Variants in SCHIP1 observed in about 807,000 individuals in gnomAD.
SCHIP1 encodes schwannomin-interacting protein 1.
SCHIP1 carries 8 observed loss-of-function variants against 29.7 expected under a neutral mutation model. That is an observed-to-expected ratio of 0.27 (90% CI 0.16 to 0.49). The LOEUF is 0.49. SCHIP1 is among the 20% of genes least tolerant of loss of function. The probability of loss-of-function intolerance (pLI) is 0.99; values close to 1 mark genes in which losing one functional copy is unlikely to be tolerated. For synonymous variants in SCHIP1, 76 were observed against 94.9 expected, an observed-to-expected ratio of 0.80 and a Z score of 1.16; for missense variants, 193 against 294.6, an observed-to-expected ratio of 0.66 and a Z score of 2.52.
the SCHIP1 span, chr3:159,274,266 T>A: frequency 1.0e-6 from 1 of 985,400 alleles, no homozygotes; most frequent in Admixed American, 6.1e-5. Context: ...AAGTAGTTCC[T>A]GATTTGTACA....
chr3:159,526,854 T>A, the SCHIP1 span, among the ~76,000 whole-genome samples: 2 of 152,218 alleles, frequency 1.3e-5, no homozygotes, highest in African/African-American at 4.8e-5. Flanking sequence ...CTGCTGACAC[T>A]GCTGCAAGCA....
the SCHIP1 span, among the ~76,000 whole-genome samples, chr3:159,431,494 CAA>C: frequency 1.2e-3 from 176 of 152,016 alleles, 1 homozygote; most frequent in African/African-American, 4.1e-3. Context: ...AGCAAAAAGT[CAA>C]AGACAGAGGG....
At chr3:159,630,653 C>T in the SCHIP1 span, among the ~76,000 whole-genome samples, 2 of 113,024 alleles carry the variant, frequency 1.8e-5, no homozygotes, top group South Asian at 2.2e-4. Flanking sequence ...CATTCTCGCT[C>T]ATAAGTGGAG....
intron 5 of SCHIP1, among the ~76,000 whole-genome samples, chr3:159,891,168 A>G (rs1717492498): frequency 6.6e-6 from 1 of 152,074 alleles, no homozygotes; most frequent in Non-Finnish European, 1.5e-5. Context: ...TCAGGAGATC[A>G]AGACCATCCT....
At chr3:159,545,588 C>CTGTGTG in the SCHIP1 span, among the ~76,000 whole-genome samples, 7 of 146,916 alleles carry the variant, frequency 4.8e-5, no homozygotes, top group African/African-American at 1.7e-4. Flanking sequence ...ATATATATGT[C>CTGTGTG]TGTGTGTGTG....
chr3:159,666,133 G>A, the SCHIP1 span, among the ~76,000 whole-genome samples: 2 of 152,204 alleles, frequency 1.3e-5, no homozygotes, highest in East Asian at 3.8e-4. Context: ...AGTAGTTAAT[G>A]AAAAGCAGAG....
the SCHIP1 span, among the ~76,000 whole-genome samples, chr3:159,791,300 A>G: frequency 6.6e-6 from 1 of 152,360 alleles, no homozygotes; most frequent in East Asian, 1.9e-4. Flanking sequence ...CAGTTAAACA[A>G]GTGAAAAAAA....
the SCHIP1 span, among the ~76,000 whole-genome samples, chr3:159,743,922 C>T: frequency 6.6e-6 from 1 of 152,084 alleles, no homozygotes; most frequent in Non-Finnish European, 1.5e-5. Context: ...TAAAAAATAA[C>T]TAGTTAAATG....
At chr3:159,892,334 A>T in intron 6 of SCHIP1, 144 bp downstream of exon 7, 4 of 872,306 alleles carry the variant, frequency 4.6e-6, no homozygotes, top group Non-Finnish European at 7.2e-6. Flanking sequence ...AGCTGTTCAG[A>T]TGGAGGGGAA....
the SCHIP1 span, among the ~76,000 whole-genome samples, chr3:159,812,296 C>T: frequency 6.6e-6 from 1 of 152,078 alleles, no homozygotes; most frequent in African/African-American, 2.4e-5. Flanking sequence ...ATAAGTCTTG[C>T]ACTTCTTTTG....
the SCHIP1 span, among the ~76,000 whole-genome samples, chr3:159,287,050 T>C: frequency 6.6e-6 from 1 of 152,180 alleles, no homozygotes; most frequent in Admixed American, 6.5e-5. Flanking sequence ...TTTCTTTTAC[T>C]GTGCCGAAGC....
chr3:159,842,997 C>CTTTTTTTTTTTTTTTTTTTTTTTT lies in SCHIP1; in HGVS notation c.30+2786_30+2787insTTTTTTTTTTTTTTTTTTTTTTTT, dbSNP rs1440922016. On this transcript the variant is annotated intron_variant, in intron 1 of 6. Transcript: ENST00000445224. Reference sequence around the variant, plus strand: ...GCTCTCCAGTTCTATCCCAATATTTCTTTCTTTTTTTTTTTTTTTTTTTTT... The same window carrying CTTTTTTTTTTTTTTTTTTTTTTTT: ...GCTCTCCAGTTCTATCCCAATATTTCTTTTTTTTTTTTTTTTTTTTTTTTTTTCTTTTTTTTTTTTTTTTTTTTT... Among the ~76,000 whole-genome samples the CTTTTTTTTTTTTTTTTTTTTTTTT allele has an allele frequency of 9.9e-4, 61 of 61,744 alleles. 14 individuals are homozygous for CTTTTTTTTTTTTTTTTTTTTTTTT. Among genetic ancestry groups the CTTTTTTTTTTTTTTTTTTTTTTTT allele is most frequent in the East Asian group, 5.3e-3 (13 of 2,434 alleles). 40.5% of individuals were successfully genotyped at this position (61,744 alleles called of 152,430 possible).
chr3:159,524,840 C>T, the SCHIP1 span, among the ~76,000 whole-genome samples: 6 of 152,192 alleles, frequency 3.9e-5, no homozygotes, highest in Non-Finnish European at 7.3e-5. Flanking sequence ...CTTTCACAGT[C>T]TGTATCAATT....
chr3:159,343,597 T>G, the SCHIP1 span, among the ~76,000 whole-genome samples: 1 of 152,210 alleles, frequency 6.6e-6, no homozygotes, highest in Non-Finnish European at 1.5e-5. Flanking sequence ...CATGCAGCCT[T>G]GCCTAATATT....
At chr3:159,647,059 G>T in the SCHIP1 span, among the ~76,000 whole-genome samples, 2 of 151,972 alleles carry the variant, frequency 1.3e-5, no homozygotes, top group Admixed American at 1.3e-4. Flanking sequence ...TAAGGTAACC[G>T]AAATGGAATA....
the SCHIP1 span, among the ~76,000 whole-genome samples, chr3:159,304,700 G>A: frequency 6.6e-6 from 1 of 152,136 alleles, no homozygotes; most frequent in Non-Finnish European, 1.5e-5. Flanking sequence ...TAATGACTTT[G>A]AATGTTTGGA....
chr3:159,588,360 T>TA, the SCHIP1 span, among the ~76,000 whole-genome samples: 2 of 148,626 alleles, frequency 1.3e-5, no homozygotes, highest in African/African-American at 5.2e-5. Flanking sequence ...TAGATTCTGG[T>TA]ATTAGCCCTT....
the SCHIP1 span, among the ~76,000 whole-genome samples, chr3:159,645,359 G>A: frequency 6.6e-6 from 1 of 152,088 alleles, no homozygotes; most frequent in African/African-American, 2.4e-5. Context: ...TAGCCAAAAA[G>A]TGCTTATCAC....
chr3:159,678,888 C>G, the SCHIP1 span, among the ~76,000 whole-genome samples: 568 of 152,308 alleles, frequency 3.7e-3, 9 homozygotes, highest in Admixed American at 0.024. Context: ...TGAGAACTCA[C>G]TCACTATCAC....
Sources: gnomAD v4.1 joint callset for allele counts (sites outside exome capture counted in the v4.1 genomes callset) on GRCh38, gnomAD v4.1.1 for gene constraint, MANE v1.5 for transcripts, NCBI Gene and HGNC (gene_info 2026-07-23, HGNC 2026-07-21) for gene names.